Variants in PPM1H observed in about 807,000 individuals in gnomAD.
The protein encoded by PPM1H is protein phosphatase 1H.
A neutral mutation model predicts 54.9 loss-of-function variants in PPM1H; 27 were observed. The observed-to-expected ratio is 0.49, with a 90% CI of 0.36 to 0.68. PPM1H has a LOEUF of 0.68. Ranked by LOEUF, PPM1H falls within the 30% of genes least tolerant of loss-of-function variation. The pLI is 0.00. For missense variants in PPM1H, 596 were observed against 667.8 expected, an observed-to-expected ratio of 0.89 and a Z score of 1.19; for synonymous variants, 305 against 270.8, an observed-to-expected ratio of 1.13 and a Z score of -1.24.
intron 6 of PPM1H, among the ~76,000 whole-genome samples, chr12:62,709,126 C>T (rs889084675): frequency 6.6e-6 from 1 of 152,198 alleles, no homozygotes; most frequent in Non-Finnish European, 1.5e-5. Context: ...CCCTCTTGCT[C>T]CCTCTGACAT....
At chr12:62,786,802 C>T (rs2076674566) in intron 4 of PPM1H, among the ~76,000 whole-genome samples, 1 of 152,196 alleles carries the variant, frequency 6.6e-6, no homozygotes, top group Non-Finnish European at 1.5e-5. Context: ...CTTCCATTTA[C>T]TGGGCAGAAT....
At chr12:62,773,476 A>C (rs76527747) in intron 4 of PPM1H, among the ~76,000 whole-genome samples, 1 of 152,164 alleles carries the variant, frequency 6.6e-6, no homozygotes, top group African/African-American at 2.4e-5. Context: ...CCCTGTCTCT[A>C]AAAATTTTTT....
intron 4 of PPM1H, among the ~76,000 whole-genome samples, chr12:62,786,513 A>C (rs532079686): frequency 3.9e-5 from 6 of 152,290 alleles, no homozygotes; most frequent in African/African-American, 1.4e-4. Context: ...GCGGGCAGAG[A>C]GAAGTCAGCA....
At chr12:62,847,163 G>C (rs540408450) in intron 1 of PPM1H, among the ~76,000 whole-genome samples, 18 of 152,286 alleles carry the variant, frequency 1.2e-4, no homozygotes, top group Non-Finnish European at 2.2e-4. Context: ...AGGCAAGAAG[G>C]GGAAGAGAGG....
chr12:62,929,131 G>A (rs1052384191), intron 1 of PPM1H, among the ~76,000 whole-genome samples: 1 of 152,152 alleles, frequency 6.6e-6, no homozygotes, highest in Non-Finnish European at 1.5e-5. Context: ...TGGTCCCTTT[G>A]AACCTTAATA....
chr12:62,923,877 T>C (rs1029680967), intron 1 of PPM1H, among the ~76,000 whole-genome samples: 2 of 152,200 alleles, frequency 1.3e-5, no homozygotes, highest in African/African-American at 4.8e-5. Flanking sequence ...GGCAATCCTC[T>C]AGGGCAGGTT....
At chr12:62,734,792 C>A (rs920983998) in intron 5 of PPM1H, among the ~76,000 whole-genome samples, 1 of 152,214 alleles carries the variant, frequency 6.6e-6, no homozygotes, top group East Asian at 1.9e-4. Flanking sequence ...TTGTAACCCC[C>A]AGCAATTTGG....
intron 2 of PPM1H, among the ~76,000 whole-genome samples, chr12:62,818,810 TTTTTC>T (rs980851960): frequency 6.8e-6 from 1 of 147,748 alleles, no homozygotes; most frequent in African/African-American, 2.6e-5. Flanking sequence ...AAAATGTTGC[TTTTTC>T]TTTTTCTTTT....
chr12:62,748,286 G>A (rs1034264846), intron 4 of PPM1H, among the ~76,000 whole-genome samples: 29 of 151,878 alleles, frequency 1.9e-4, no homozygotes, highest in Non-Finnish European at 3.7e-4. Flanking sequence ...AAGACAAAGG[G>A]CAGCGATCAA....
intron 6 of PPM1H, among the ~76,000 whole-genome samples, chr12:62,715,050 C>T (rs927432261): frequency 1.3e-5 from 2 of 152,204 alleles, no homozygotes; most frequent in East Asian, 1.9e-4. Flanking sequence ...CTTGAGAAAG[C>T]GGAATAGCCA....
intron 4 of PPM1H, among the ~76,000 whole-genome samples, chr12:62,784,171 C>A (rs970483879): frequency 1.3e-5 from 2 of 152,162 alleles, no homozygotes; most frequent in African/African-American, 4.8e-5. Flanking sequence ...GCCTCTGTGG[C>A]TGGTTAGCTC....
chr12:62,810,827 T>G (rs1299067307), intron 2 of PPM1H, among the ~76,000 whole-genome samples: 1 of 152,160 alleles, frequency 6.6e-6, no homozygotes, highest in Non-Finnish European at 1.5e-5. Context: ...TTTCCTTATT[T>G]GAAGAAGATG....
intron 2 of PPM1H, among the ~76,000 whole-genome samples, chr12:62,824,617 C>T (rs944937016): frequency 2.6e-5 from 4 of 152,282 alleles, no homozygotes; most frequent in Admixed American, 2.6e-4. Flanking sequence ...ACCATCTGAT[C>T]TTTGACAAAC....
chr12:62,930,950 A>AAAATGC (rs1220300860), intron 1 of PPM1H, among the ~76,000 whole-genome samples: 1 of 152,216 alleles, frequency 6.6e-6, no homozygotes, highest in Non-Finnish European at 1.5e-5. Flanking sequence ...TCCATCTAGG[A>AAAATGC]CAATGCCAAT....
At chr12:62,785,765 C>T (rs902252768) in intron 4 of PPM1H, among the ~76,000 whole-genome samples, 4 of 151,030 alleles carry the variant, frequency 2.6e-5, no homozygotes, top group Non-Finnish European at 2.9e-5. Flanking sequence ...GGACAGAGGA[C>T]TGGAGCTTCT....
chr12:62,833,758 T>C (rs1361121903), intron 1 of PPM1H, among the ~76,000 whole-genome samples: 2 of 152,286 alleles, frequency 1.3e-5, no homozygotes, highest in East Asian at 3.9e-4. Flanking sequence ...ATTTTAAAAA[T>C]GTATACACAT....
chr12:62,790,688 C>T (rs966729036), intron 3 of PPM1H, among the ~76,000 whole-genome samples: 1 of 152,094 alleles, frequency 6.6e-6, no homozygotes, highest in Non-Finnish European at 1.5e-5. Context: ...GGGAGGGGAA[C>T]TGGAGAGCCA....
At chr12:62,818,143 TC>T (rs995078818) in intron 2 of PPM1H, among the ~76,000 whole-genome samples, 3 of 152,170 alleles carry the variant, frequency 2.0e-5, no homozygotes, top group Non-Finnish European at 2.9e-5. Context: ...CCTAAATATT[TC>T]CCACCCACGC....
Position 62,794,209 on chromosome 12 carries a change from T to A in PPM1H, c.757-5871A>T, listed in dbSNP as rs76560870. On this transcript the variant is annotated intron_variant, in intron 3 of 9. Transcript: ENST00000228705. ...CATGCTCATTCCTTCCTAGAGAAAC[T>A]TCCCGTTCTAACAAAAACAAAGAGA... 7.7e-3 allele frequency among the ~76,000 whole-genome samples: 1,176 copies of A among 152,308 alleles called. 16 individuals are homozygous for A. Among genetic ancestry groups the A allele is most frequent in the African/African-American group, 0.027 (1,117 of 41,546 alleles).
Sources: allele counts gnomAD v4.1 joint callset (sites outside exome capture counted in the v4.1 genomes callset), GRCh38; gene constraint gnomAD v4.1.1; transcripts MANE v1.5; gene names NCBI Gene and HGNC (gene_info 2026-07-23, HGNC 2026-07-21).